Variants in SPIN1 observed in about 807,000 individuals in gnomAD.
SPIN1 encodes the protein spindlin-1.
Under a neutral mutation model 26.0 loss-of-function variants are expected in SPIN1, and 3 were observed. The ratio of observed to expected loss-of-function variants is 0.12; its 90% CI spans 0.05 to 0.30. The LOEUF is 0.30. Among genes scored for constraint, SPIN1 ranks in the 10% least tolerant of loss-of-function variants. SPIN1 has a pLI of 1.00. For missense variants in SPIN1, 126 were observed against 333.4 expected (o/e 0.38, Z 4.84); for synonymous variants, 101 against 116.5 (o/e 0.87, Z 0.86).
intron 2 of SPIN1, among the ~76,000 whole-genome samples, chr9:88,442,303 C>A (rs988729695): frequency 4.0e-5 from 6 of 151,744 alleles, no homozygotes; most frequent in African/African-American, 1.5e-4. Flanking sequence ...TTAAATAGTT[C>A]CCTCTACTAT....
intron 1 of SPIN1, among the ~76,000 whole-genome samples, chr9:88,408,847 G>C (rs1423426007): frequency 6.7e-6 from 1 of 150,164 alleles, no homozygotes; most frequent in Non-Finnish European, 1.5e-5. Flanking sequence ...CTAATTTTTA[G>C]TAGAGACGGG....
Position 88,475,750 on chromosome 9 carries a change from A to G in SPIN1, c.*473A>G, listed in dbSNP as rs1828878978. 3 of 152,920 alleles carry G rather than the reference A, an allele frequency of 2.0e-5. No homozygotes were observed. The South Asian group carries it at 6.2e-4, about 31-fold the overall frequency. 9.5% of individuals were successfully genotyped at this position (152,920 alleles called of 1,614,324 possible). ...AGTGTACACACACACACCACACACC[A>G]CACACACCCCACTGGCAGTCTTTGT... is the stretch of plus-strand genomic sequence containing the variant. On this transcript the variant is annotated 3_prime_UTR_variant, in exon 6 of 6. Coordinates refer to ENST00000375859, the MANE Select transcript of SPIN1 (RefSeq NM_006717.3).
At chr9:88,392,739 C>G (rs1826957980) in intron 1 of SPIN1, among the ~76,000 whole-genome samples, 1 of 152,096 alleles carries the variant, frequency 6.6e-6, no homozygotes. Context: ...CCTACCTCAT[C>G]AGGGGTGAGC....
In SPIN1 at chr9:88,468,389, G is replaced by A. The variant is rs1828714633; in HGVS notation, c.373G>A (p.Asp125Asn). The A allele has an allele frequency of 1.3e-6, 2 of 1,579,554 alleles. No homozygotes were observed. The highest frequency in any genetic ancestry group is 1.2e-5 in the South Asian group (1 of 85,272). ...PDRVATSRIS[D>N]AHLADTMIGK... ...ATCCCCAGCGACATCTCGAATCAGC[G>A]ATGCACACTTGGCAGACACAATGAT... is the stretch of plus-strand genomic sequence containing the variant. Residue 125 changes from aspartate to asparagine, a missense_variant, in exon 5 of 6, where the codon GAT (aspartate) becomes AAT (asparagine). Asp to Asn is a conservative substitution (Grantham distance 23). Transcript: ENST00000375859.
chr9:88,393,148 T>TTTTC (rs1034609859), intron 1 of SPIN1, among the ~76,000 whole-genome samples: 2 of 149,326 alleles, frequency 1.3e-5, no homozygotes, highest in Non-Finnish European at 3.0e-5. Flanking sequence ...TTTTTTTTTT[T>TTTTC]CCTGAAGGGA....
chr9:88,407,043 G>A (rs1827325843), intron 1 of SPIN1, among the ~76,000 whole-genome samples: 1 of 148,986 alleles, frequency 6.7e-6, no homozygotes, highest in Admixed American at 6.8e-5. Context: ...TCTTCTGCCC[G>A]AAGAACACCC....
chr9:88,466,138 T>C (rs1459464929), intron 4 of SPIN1, among the ~76,000 whole-genome samples: 1 of 152,170 alleles, frequency 6.6e-6, no homozygotes, highest in Non-Finnish European at 1.5e-5. Context: ...CTTTTTTAGG[T>C]CTGTAGTAAT....
At chr9:88,455,200 C>T (rs1828447992) in intron 3 of SPIN1, among the ~76,000 whole-genome samples, 1 of 152,216 alleles carries the variant, frequency 6.6e-6, no homozygotes, top group Non-Finnish European at 1.5e-5. Context: ...CGCGGTGGCT[C>T]ACACCTGTAA....
intron 2 of SPIN1, among the ~76,000 whole-genome samples, chr9:88,440,117 T>C (rs1459412463): frequency 6.6e-6 from 1 of 151,894 alleles, no homozygotes; most frequent in Non-Finnish European, 1.5e-5. Flanking sequence ...TCCACCTTTT[T>C]CCCTTCCTTA....
intron 2 of SPIN1, among the ~76,000 whole-genome samples, chr9:88,428,241 G>T (rs946013512): frequency 7.2e-5 from 11 of 152,066 alleles, no homozygotes; most frequent in African/African-American, 2.7e-4. Flanking sequence ...AGGGTATATT[G>T]TATGGTGCTG....
At chr9:88,427,808 A>G (rs1827792102) in intron 2 of SPIN1, among the ~76,000 whole-genome samples, 1 of 152,074 alleles carries the variant, frequency 6.6e-6, no homozygotes. Context: ...CATGTTGGCC[A>G]GGCCGGTCTT....
intron 1 of SPIN1, among the ~76,000 whole-genome samples, chr9:88,401,687 T>C (rs979493163): frequency 3.9e-5 from 6 of 152,124 alleles, no homozygotes; most frequent in African/African-American, 9.7e-5. Flanking sequence ...AAATCTGAGG[T>C]TAGTTGAATC....
chr9:88,425,919 C>G (rs921163637), intron 1 of SPIN1, among the ~76,000 whole-genome samples: 8 of 152,138 alleles, frequency 5.3e-5, no homozygotes, highest in East Asian at 3.8e-4. Flanking sequence ...GTGCTGCCCC[C>G]GTGCTGTCCT....
At chr9:88,414,763 C>G (rs1220351255) in intron 1 of SPIN1, among the ~76,000 whole-genome samples, 1 of 152,180 alleles carries the variant, frequency 6.6e-6, no homozygotes, top group Non-Finnish European at 1.5e-5. Context: ...GAAGGAAGTG[C>G]TGTACTTCAG....
chr9:88,435,697 T>C (rs58921241), intron 2 of SPIN1, among the ~76,000 whole-genome samples: 11,660 of 152,210 alleles, frequency 0.077, 1,407 homozygotes, highest in African/African-American at 0.26. Context: ...ATCAGAGTTA[T>C]TAACCTTTAA....
intron 1 of SPIN1, among the ~76,000 whole-genome samples, chr9:88,419,143 T>G (rs1233535090): frequency 6.6e-6 from 1 of 152,184 alleles, no homozygotes; most frequent in African/African-American, 2.4e-5. Flanking sequence ...GCCTTCTACT[T>G]TTAAAATTAA....
intron 2 of SPIN1, among the ~76,000 whole-genome samples, chr9:88,442,191 A>G (rs957700664): frequency 1.3e-4 from 19 of 151,756 alleles, no homozygotes; most frequent in African/African-American, 4.4e-4. Flanking sequence ...AAATTTCATC[A>G]CTTTTTGTTT....
At chr9:88,463,049 A>C (rs540990059) in intron 4 of SPIN1, among the ~76,000 whole-genome samples, 1 of 152,046 alleles carries the variant, frequency 6.6e-6, no homozygotes, top group South Asian at 2.1e-4. Context: ...TAAGGTTATC[A>C]GTAGCTGAAA....
intron 3 of SPIN1, among the ~76,000 whole-genome samples, chr9:88,455,255 G>A (rs539545821): frequency 2.0e-5 from 3 of 152,176 alleles, no homozygotes; most frequent in South Asian, 2.1e-4. Context: ...ACCTGAGGTC[G>A]GGAGTTTGAG....
Sources: gnomAD v4.1 joint callset for allele counts (sites outside exome capture counted in the v4.1 genomes callset) on GRCh38, gnomAD v4.1.1 for gene constraint, MANE v1.5 for transcripts, NCBI Gene and HGNC (gene_info 2026-07-23, HGNC 2026-07-21) for gene names.